The following MARCHF1 variants were observed in gnomAD, a reference collection of about 807,000 sequenced individuals.
The protein encoded by MARCHF1 is E3 ubiquitin-protein ligase MARCHF1.
A neutral mutation model predicts 54.2 loss-of-function variants in MARCHF1; 40 were observed. The observed-to-expected ratio is 0.74, with a 90% CI of 0.57 to 0.96. The LOEUF (loss-of-function observed/expected upper bound fraction) is 0.96, where lower values mean the gene tolerates loss of function less well. MARCHF1 is among the 40% of genes least tolerant of loss of function. The pLI, the probability that MARCHF1 is intolerant of heterozygous loss-of-function variation, is 0.00. For missense variants in MARCHF1, 586 were observed against 656.5 expected (o/e 0.89, Z 1.17); for synonymous variants, 236 against 236.3 (o/e 1.00, Z 0.01).
At chr4:164,133,969 A>T (rs1483096980) in intron 1 of MARCHF1, among the ~76,000 whole-genome samples, 1 of 152,214 alleles carries the variant, frequency 6.6e-6, no homozygotes, top group South Asian at 2.1e-4. Flanking sequence ...TCTTAATTAT[A>T]TTGAAAATTT....
chr4:163,628,637 A>C (rs1741958582), intron 5 of MARCHF1, among the ~76,000 whole-genome samples: 1 of 152,214 alleles, frequency 6.6e-6, no homozygotes, highest in Non-Finnish European at 1.5e-5. Context: ...ATGATTTTAT[A>C]TTTAGAAAAC....
At chr4:163,751,309 G>A (rs186078398) in intron 4 of MARCHF1, among the ~76,000 whole-genome samples, 1 of 152,026 alleles carries the variant, frequency 6.6e-6, no homozygotes, top group East Asian at 1.9e-4. Flanking sequence ...CTGGGACTAC[G>A]GGCATGTGTC....
At chr4:163,832,582 A>ATATTATTATTAT (rs5863633) in intron 4 of MARCHF1, among the ~76,000 whole-genome samples, 3,774 of 147,590 alleles carry the variant, frequency 0.026, 83 homozygotes, top group South Asian at 0.039. Flanking sequence ...TGGATCCAAA[A>ATATTATTATTAT]TATTATTATT....
chr4:163,909,927 T>G (rs187742359), intron 3 of MARCHF1, among the ~76,000 whole-genome samples: 1 of 152,184 alleles, frequency 6.6e-6, no homozygotes, highest in South Asian at 2.1e-4. Flanking sequence ...AAACATTTCA[T>G]TAAATACTAG....
chr4:163,986,915 T>C (rs1222921205), intron 3 of MARCHF1, among the ~76,000 whole-genome samples: 2 of 152,212 alleles, frequency 1.3e-5, no homozygotes, highest in Non-Finnish European at 1.5e-5. Context: ...CAAATATTAC[T>C]CAGATGCTGA....
intron 1 of MARCHF1, among the ~76,000 whole-genome samples, chr4:164,337,993 T>C (rs1214520306): frequency 2.0e-5 from 3 of 152,158 alleles, no homozygotes; most frequent in African/African-American, 7.2e-5. Flanking sequence ...CTAATTAATA[T>C]GTTGCTCTCA....
chr4:163,903,285 C>T (rs978737330), intron 3 of MARCHF1, among the ~76,000 whole-genome samples: 9 of 152,006 alleles, frequency 5.9e-5, no homozygotes, highest in African/African-American at 2.2e-4. Context: ...TATACACTGG[C>T]TGTGCTTCAA....
chr4:164,243,662 C>A (rs1181924144), intron 1 of MARCHF1, among the ~76,000 whole-genome samples: 1 of 142,882 alleles, frequency 7.0e-6, no homozygotes, highest in African/African-American at 2.5e-5. Context: ...CACAGACTGG[C>A]AAATTGGATA....
At chr4:164,027,641 A>C (rs149505800) in intron 2 of MARCHF1, among the ~76,000 whole-genome samples, 303 of 152,234 alleles carry the variant, frequency 2.0e-3, no homozygotes, top group African/African-American at 6.7e-3. Flanking sequence ...TCAAATTATA[A>C]AAATCCTAGA....
intron 1 of MARCHF1, among the ~76,000 whole-genome samples, chr4:164,217,771 T>G (rs907271861): frequency 2.6e-5 from 4 of 152,140 alleles, no homozygotes; most frequent in African/African-American, 9.7e-5. Flanking sequence ...AACTGAAGCC[T>G]AAAAGGTGCT....
At chr4:163,809,296 C>T (rs1398575022) in intron 4 of MARCHF1, among the ~76,000 whole-genome samples, 1 of 152,108 alleles carries the variant, frequency 6.6e-6, no homozygotes, top group Non-Finnish European at 1.5e-5. Flanking sequence ...AAACCTTTTA[C>T]CAGAATTTAT....
chr4:163,537,863 TTAAAG>T (rs1356802770), intron 9 of MARCHF1, among the ~76,000 whole-genome samples: 2 of 152,220 alleles, frequency 1.3e-5, no homozygotes, highest in Non-Finnish European at 2.9e-5. Context: ...AATATGATTA[TTAAAG>T]TAAATTCTTC....
intron 1 of MARCHF1, chr4:164,189,479 C>A: frequency 1.4e-6 from 1 of 715,452 alleles, no homozygotes. Context: ...ACTCGAATTC[C>A]AAAGATTCAG....
intron 1 of MARCHF1, among the ~76,000 whole-genome samples, chr4:164,134,740 C>CT (rs553532418): frequency 2.6e-5 from 4 of 151,664 alleles, no homozygotes; most frequent in African/African-American, 4.8e-5. Context: ...CTTTTCTCTC[C>CT]TTTTTTTAAC....
At chr4:163,590,195 T>G in intron 7 of MARCHF1, among the ~76,000 whole-genome samples, 1 of 151,484 alleles carries the variant, frequency 6.6e-6, no homozygotes. Flanking sequence ...TTTGCCAAGG[T>G]TTCCTGGCAC....
intron 1 of MARCHF1, among the ~76,000 whole-genome samples, chr4:164,349,739 A>G (rs2110876696): frequency 6.6e-6 from 1 of 152,324 alleles, no homozygotes; most frequent in East Asian, 1.9e-4. Context: ...AATGTAATAT[A>G]AAGAAAGAAA....
At chr4:163,566,947 C>T (rs540345232) in intron 8 of MARCHF1, among the ~76,000 whole-genome samples, 89 of 152,284 alleles carry the variant, frequency 5.8e-4, no homozygotes, top group Non-Finnish European at 9.0e-4. Context: ...CTACGTTCTT[C>T]TACCTTATAA....
At chr4:163,640,208 A>G (rs558167946) in intron 5 of MARCHF1, among the ~76,000 whole-genome samples, 68 of 152,226 alleles carry the variant, frequency 4.5e-4, no homozygotes, top group African/African-American at 1.5e-3. Context: ...TCAGCAATCA[A>G]TTTTAGAGTA....
At chr4:163,872,023 G>A (rs1018890664) in intron 3 of MARCHF1, among the ~76,000 whole-genome samples, 2 of 152,092 alleles carry the variant, frequency 1.3e-5, no homozygotes, top group African/African-American at 4.8e-5. Flanking sequence ...AGAAGCTTAA[G>A]AGAAAAAAAT....
Sources: gnomAD v4.1 joint callset for allele counts (sites outside exome capture counted in the v4.1 genomes callset) on GRCh38, gnomAD v4.1.1 for gene constraint, MANE v1.5 for transcripts, NCBI Gene and HGNC (gene_info 2026-07-23, HGNC 2026-07-21) for gene names.